Variants in MARK3 observed in about 807,000 individuals in gnomAD.
MARK3 encodes the protein microtubule affinity regulating kinase 3, also known as MAP/microtubule affinity-regulating kinase 3.
In MARK3, 46 loss-of-function variants were observed where a neutral mutation model predicts 90.1. The ratio of observed to expected loss-of-function variants is 0.51; its 90% CI spans 0.40 to 0.65. The LOEUF (loss-of-function observed/expected upper bound fraction) is 0.65, where lower values mean the gene tolerates loss of function less well. MARK3 is among the 30% of genes least tolerant of loss of function. The pLI, the probability that MARK3 is intolerant of heterozygous loss-of-function variation, is 0.00. For missense variants in MARK3, 818 were observed against 947.2 expected, an observed-to-expected ratio of 0.86 and a Z score of 1.79; for synonymous variants, 321 against 332.6, an observed-to-expected ratio of 0.97 and a Z score of 0.38.
intron 14 of MARK3, among the ~76,000 whole-genome samples, chr14:103,485,773 C>T (rs1207784781): frequency 6.6e-6 from 1 of 152,128 alleles, no homozygotes; most frequent in Non-Finnish European, 1.5e-5. Flanking sequence ...CTCACAAGCC[C>T]TGTCATCCCA....
chr14:103,425,269 T>G (rs1284768606), intron 2 of MARK3, among the ~76,000 whole-genome samples: 4 of 151,278 alleles, frequency 2.6e-5, no homozygotes, highest in African/African-American at 9.7e-5. Flanking sequence ...TATTTATTTA[T>G]TTATTTATTT....
At chr14:103,473,845 A>G (rs946122204) in intron 12 of MARK3, among the ~76,000 whole-genome samples, 4 of 152,100 alleles carry the variant, frequency 2.6e-5, no homozygotes, top group African/African-American at 9.7e-5. Flanking sequence ...AATTACAAGC[A>G]TGAACTACCA....
chr14:103,397,773 A>G (rs1456805145), intron 1 of MARK3, among the ~76,000 whole-genome samples: 1 of 152,212 alleles, frequency 6.6e-6, no homozygotes, highest in Non-Finnish European at 1.5e-5. Flanking sequence ...AGATTTTACT[A>G]TATTTATGGG....
chr14:103,433,093 C>T (rs12892582), intron 3 of MARK3, among the ~76,000 whole-genome samples: 86,644 of 117,464 alleles, frequency 0.74, 29,285 homozygotes, highest in South Asian at 0.81. Flanking sequence ...CTTTTCTTTT[C>T]TTTTTTTTTT....
chr14:103,499,587 G>A (rs1242321233), intron 16 of MARK3: 2 of 152,356 alleles, frequency 1.3e-5, no homozygotes, highest in African/African-American at 4.8e-5. Context: ...TCACCAGAAG[G>A]CCAAGCTGCA....
chr14:103,488,609 C>T (rs2051107736), intron 14 of MARK3, among the ~76,000 whole-genome samples: 2 of 152,200 alleles, frequency 1.3e-5, no homozygotes, highest in South Asian at 4.1e-4. Flanking sequence ...AATCCCAGCA[C>T]TTTGGGAGGC....
At chr14:103,493,941 G>A (rs186712691) in intron 15 of MARK3, among the ~76,000 whole-genome samples, 1 of 149,210 alleles carries the variant, frequency 6.7e-6, no homozygotes, top group Admixed American at 6.7e-5. Context: ...GTCATTTTAA[G>A]ACTAGTATTG....
At chr14:103,486,022 G>A (rs1177451506) in intron 14 of MARK3, among the ~76,000 whole-genome samples, 1 of 152,058 alleles carries the variant, frequency 6.6e-6, no homozygotes, top group Admixed American at 6.6e-5. Context: ...CAGGCATGAT[G>A]GCTCACGCCA....
chr14:103,480,479 CAAAG>C lies in MARK3; in HGVS notation c.1579_1582del (p.Glu527ThrfsTer81). ...ATAGACACTCAGTGATTCAGAATGG[CAAAG>C]AAAACAGGTAGGAGATTCTACCTGT... On this transcript the variant is annotated frameshift_variant, in exon 14 of 18. Transcript: ENST00000429436. LOFTEE classifies it high-confidence loss of function. 2 of 1,604,686 alleles carry C rather than the reference CAAAG, an allele frequency of 1.2e-6. No homozygotes were observed. Among genetic ancestry groups the C allele is most frequent in the Non-Finnish European group, 8.5e-7 (1 of 1,173,010 alleles).
chr14:103,501,589 G>A (rs1348493407), intron 17 of MARK3, among the ~76,000 whole-genome samples: 1 of 152,016 alleles, frequency 6.6e-6, no homozygotes, highest in East Asian at 1.9e-4. Context: ...AAATCCCATG[G>A]CTCTTCATAG....
rs550645007 is a variant in MARK3 at position 103,385,601 on chromosome 14, C to T, written c.-429C>T. The T allele has an allele frequency of 4.4e-5, 7 of 159,864 alleles. No homozygotes were observed. The highest frequency in any genetic ancestry group is 9.6e-5 in the Non-Finnish European group (7 of 73,288). 9.9% of individuals were successfully genotyped at this position (159,864 alleles called of 1,614,324 possible). Reference sequence around the variant, plus strand: ...GTCTTGCGCTCCACTTCCTTCACATCCTCCTCCGCCTCCTCGTTTTCAGGC... The same window carrying T: ...GTCTTGCGCTCCACTTCCTTCACATTCTCCTCCGCCTCCTCGTTTTCAGGC... On this transcript the variant is annotated 5_prime_UTR_variant, in exon 1 of 18. Coordinates refer to ENST00000429436, the MANE Select transcript of MARK3 (RefSeq NM_001128918.3).
intron 14 of MARK3, among the ~76,000 whole-genome samples, chr14:103,481,530 G>A (rs1031844723): frequency 2.6e-5 from 4 of 151,904 alleles, no homozygotes; most frequent in Non-Finnish European, 4.4e-5. Context: ...TGTTCCATAG[G>A]CCACTTAGGA....
chr14:103,423,878 A>G (rs1026911470), intron 2 of MARK3, among the ~76,000 whole-genome samples: 3 of 152,204 alleles, frequency 2.0e-5, no homozygotes, highest in African/African-American at 7.2e-5. Context: ...TTCAGAGGCT[A>G]TTGAATAGCA....
intron 1 of MARK3, among the ~76,000 whole-genome samples, chr14:103,403,262 A>T (rs2091071063): frequency 6.6e-6 from 1 of 152,172 alleles, no homozygotes; most frequent in East Asian, 1.9e-4. Flanking sequence ...CACTTGATAC[A>T]TACCTCATGG....
In MARK3 at chr14:103,498,546, A is replaced by G. The variant is rs2075475660; in HGVS notation, c.1871+18A>G. 1 of 1,346,954 alleles carries G rather than the reference A, an allele frequency of 7.4e-7. No homozygotes were observed. The highest frequency in any genetic ancestry group is 9.6e-7 in the Non-Finnish European group (1 of 1,043,240). 83.4% of individuals were successfully genotyped at this position (1,346,954 alleles called of 1,614,324 possible). Reference sequence around the variant, plus strand: ...ATCAAAAGGTAGGATTTATATATACACATTTATTTTTCAATCCTCACTCCC... The same window carrying G: ...ATCAAAAGGTAGGATTTATATATACGCATTTATTTTTCAATCCTCACTCCC... On this transcript the variant is annotated intron_variant, in intron 16 of 17. Coordinates refer to ENST00000429436, the MANE Select transcript of MARK3 (RefSeq NM_001128918.3).
At chr14:103,461,905 G>A (rs1422970585) in intron 6 of MARK3, among the ~76,000 whole-genome samples, 3 of 152,032 alleles carry the variant, frequency 2.0e-5, no homozygotes, top group African/African-American at 4.8e-5. Flanking sequence ...GCATGGTGGT[G>A]CACACTTGTA....
At chr14:103,478,162 G>A (rs1007627329) in intron 13 of MARK3, among the ~76,000 whole-genome samples, 5 of 151,940 alleles carry the variant, frequency 3.3e-5, no homozygotes, top group Admixed American at 1.3e-4. Context: ...AGGCATGGTG[G>A]CGGGCACCTG....
chr14:103,440,221 T>C (rs1428927699), intron 3 of MARK3, among the ~76,000 whole-genome samples: 1 of 152,274 alleles, frequency 6.6e-6, no homozygotes, highest in African/African-American at 2.4e-5. Context: ...ATTCTGTGAT[T>C]CAGAGACATT....
chr14:103,408,565 C>G (rs2091450330), intron 2 of MARK3, among the ~76,000 whole-genome samples: 2 of 152,156 alleles, frequency 1.3e-5, no homozygotes, highest in South Asian at 4.1e-4. Flanking sequence ...ATAGATGTGC[C>G]AAGACTGTGA....
Sources: gnomAD v4.1 joint callset for allele counts (sites outside exome capture counted in the v4.1 genomes callset) on GRCh38, gnomAD v4.1.1 for gene constraint, MANE v1.5 for transcripts, NCBI Gene and HGNC (gene_info 2026-07-23, HGNC 2026-07-21) for gene names.